Variants in PAQR5 observed in about 807,000 individuals in gnomAD.
PAQR5 encodes the protein membrane progestin receptor gamma.
A neutral mutation model predicts 34.5 loss-of-function variants in PAQR5; 20 were observed. The ratio of observed to expected loss-of-function variants is 0.58; its 90% CI spans 0.41 to 0.84. The LOEUF is 0.84. Among genes scored for constraint, PAQR5 ranks in the 40% least tolerant of loss-of-function variants. The pLI, the probability that PAQR5 is intolerant of heterozygous loss-of-function variation, is 0.00. For missense variants in PAQR5, 378 were observed against 412.7 expected (o/e 0.92, Z 0.73); for synonymous variants, 131 against 155.6 (o/e 0.84, Z 1.18).
chr15:69,390,352 A>ATTTTTTTTTTTT (rs1270003563), intron 6 of PAQR5, among the ~76,000 whole-genome samples: 8 of 128,178 alleles, frequency 6.2e-5, no homozygotes, highest in Non-Finnish European at 1.2e-4. Context: ...TTATTTATTT[A>ATTTTTTTTTTTT]TTTATTTATT....
chr15:69,361,029 A>T (rs1169636052), intron 3 of PAQR5, among the ~76,000 whole-genome samples: 1 of 152,206 alleles, frequency 6.6e-6, no homozygotes, highest in Non-Finnish European at 1.5e-5. Context: ...ATGGGGGAAA[A>T]CCGTAAGTGG....
chr15:69,367,985 T>C (rs1271121833), intron 3 of PAQR5, among the ~76,000 whole-genome samples: 1 of 152,034 alleles, frequency 6.6e-6, no homozygotes, highest in African/African-American at 2.4e-5. Flanking sequence ...CATGGCATGA[T>C]GAGTGGCTCA....
intron 3 of PAQR5, among the ~76,000 whole-genome samples, chr15:69,370,892 T>C (rs1458696176): frequency 6.6e-6 from 1 of 152,206 alleles, no homozygotes; most frequent in Non-Finnish European, 1.5e-5. Flanking sequence ...CAGCAAAATA[T>C]GAAAAAGAAC....
chr15:69,403,563 C>CA lies in PAQR5; in HGVS notation c.752-18_752-17insA. 1 of 1,612,796 alleles carries CA rather than the reference C, an allele frequency of 6.2e-7. No homozygotes were observed. The highest frequency in any genetic ancestry group is 8.5e-7 in the Non-Finnish European group (1 of 1,178,880). On this transcript the variant is annotated splice_polypyrimidine_tract_variant and intron_variant, in intron 8 of 8. Transcript: ENST00000395407. The stretch of plus-strand genomic sequence containing the variant: ...CCTTTTCATTGCTGATCTTGACGGC[C>CA]TTTTGTGTTTGCCATAGGTCACAGT...
chr15:69,312,816 G>C (rs1249456729), intron 1 of PAQR5, among the ~76,000 whole-genome samples: 1 of 152,130 alleles, frequency 6.6e-6, no homozygotes, highest in African/African-American at 2.4e-5. Context: ...CTGAGGCCCT[G>C]TTCCACACTG....
intron 1 of PAQR5, among the ~76,000 whole-genome samples, chr15:69,299,751 T>A (rs1428364205): frequency 6.6e-6 from 1 of 152,138 alleles, no homozygotes; most frequent in African/African-American, 2.4e-5. Context: ...GCCCGGTAAC[T>A]CTTATCCGTG....
At chr15:69,355,530 C>T (rs1428994599) in intron 2 of PAQR5, among the ~76,000 whole-genome samples, 1 of 151,650 alleles carries the variant, frequency 6.6e-6, no homozygotes. Flanking sequence ...AAGAGAGTCC[C>T]CTGCCTCAGC....
intron 3 of PAQR5, among the ~76,000 whole-genome samples, chr15:69,372,233 T>C (rs1054246165): frequency 6.6e-6 from 1 of 152,128 alleles, no homozygotes; most frequent in Admixed American, 6.5e-5. Context: ...TCTGTAAATA[T>C]TGTGCTGCAC....
intron 1 of PAQR5, among the ~76,000 whole-genome samples, chr15:69,335,395 AC>A (rs1256121982): frequency 1.3e-5 from 2 of 149,782 alleles, no homozygotes. Context: ...ACAGGCATGA[AC>A]CACCACACCT....
chr15:69,338,223 T>A (rs546746918), intron 2 of PAQR5, among the ~76,000 whole-genome samples: 6 of 152,332 alleles, frequency 3.9e-5, no homozygotes, highest in African/African-American at 1.4e-4. Flanking sequence ...GTTCACCTTG[T>A]CCACTGCCTA....
In PAQR5 at chr15:69,404,820, G is replaced by T; in HGVS notation, c.*998G>T. ...AATCAGAAACATCCAGTAAGCTTGT[G>T]ACAAATGCAGACTCCTAGGGAAAAC... is the stretch of plus-strand genomic sequence containing the variant. On this transcript the variant is annotated 3_prime_UTR_variant, in exon 9 of 9. Coordinates refer to ENST00000395407, the MANE Select transcript of PAQR5 (RefSeq NM_017705.4). The T allele has an allele frequency of 2.5e-6, 1 of 397,148 alleles. No individual in the cohort carries two copies. The highest frequency in any genetic ancestry group is 1.4e-4 in the South Asian group (1 of 7,154). The allele number at this position is 397,148 out of a possible 1,614,324, so 24.6% of individuals were successfully genotyped here.
chr15:69,324,275 C>T (rs1476358456), intron 1 of PAQR5, among the ~76,000 whole-genome samples: 2 of 152,108 alleles, frequency 1.3e-5, no homozygotes, highest in African/African-American at 4.8e-5. Context: ...TGGGTCAGAG[C>T]TGGAGGAGAA....
intron 3 of PAQR5, among the ~76,000 whole-genome samples, chr15:69,375,243 G>T (rs1427163967): frequency 6.6e-6 from 1 of 152,158 alleles, no homozygotes; most frequent in Non-Finnish European, 1.5e-5. Context: ...CCACTCTCTT[G>T]CTGCCTCTGC....
At chr15:69,347,350 A>G (rs1440451143) in intron 2 of PAQR5, among the ~76,000 whole-genome samples, 1 of 152,184 alleles carries the variant, frequency 6.6e-6, no homozygotes, top group Non-Finnish European at 1.5e-5. Context: ...CGTCATTATA[A>G]ACATTCTGTA....
chr15:69,304,144 G>A (rs1166688297), intron 1 of PAQR5, among the ~76,000 whole-genome samples: 2 of 152,138 alleles, frequency 1.3e-5, no homozygotes, highest in Non-Finnish European at 2.9e-5. Context: ...GGCCATTGTA[G>A]GCCCTTCCCT....
At chr15:69,397,321 G>T in intron 6 of PAQR5, 147 bp from the exon 7 acceptor site, 1 of 719,530 alleles carries the variant, frequency 1.4e-6, no homozygotes. Flanking sequence ...GGACGAGGCT[G>T]GTGGAGAAGC....
intron 2 of PAQR5, among the ~76,000 whole-genome samples, chr15:69,353,926 G>A (rs2054991044): frequency 6.6e-6 from 1 of 152,186 alleles, no homozygotes; most frequent in Admixed American, 6.5e-5. Context: ...AACAGGCTAA[G>A]AAGGGAGTGA....
intron 1 of PAQR5, among the ~76,000 whole-genome samples, chr15:69,306,064 C>T (rs1457092298): frequency 6.6e-6 from 1 of 152,096 alleles, no homozygotes; most frequent in African/African-American, 2.4e-5. Flanking sequence ...AGATATAGTG[C>T]CTGCCTGCAG....
At chr15:69,389,539 A>G (rs1286642727) in intron 5 of PAQR5, 115 bp from the exon 6 acceptor site, 30 of 1,361,860 alleles carry the variant, frequency 2.2e-5, no homozygotes, top group Non-Finnish European at 2.6e-5. Flanking sequence ...GAGGGCGCAG[A>G]GCCAGGACTG....
Sources: gnomAD v4.1 joint callset for allele counts (sites outside exome capture counted in the v4.1 genomes callset) on GRCh38, gnomAD v4.1.1 for gene constraint, MANE v1.5 for transcripts, NCBI Gene and HGNC (gene_info 2026-07-23, HGNC 2026-07-21) for gene names.